Variants in PTPRD observed in about 807,000 individuals in gnomAD.
The protein encoded by PTPRD is receptor-type tyrosine-protein phosphatase delta.
Under a neutral mutation model 214.5 loss-of-function variants are expected in PTPRD, and 34 were observed. The observed-to-expected ratio is 0.16, with a 90% CI of 0.12 to 0.21. PTPRD has a LOEUF of 0.21. PTPRD is among the 10% of genes least tolerant of loss of function. The pLI is 1.00. For missense variants in PTPRD, 2,545 were observed against 2,398.7 expected (o/e 1.06, Z -1.27); for synonymous variants, 1,128 against 845.7 (o/e 1.33, Z -5.79).
chr9:8,854,096 A>T (rs1337692945), intron 11 of PTPRD, among the ~76,000 whole-genome samples: 1 of 152,130 alleles, frequency 6.6e-6, no homozygotes, highest in Non-Finnish European at 1.5e-5. Context: ...TTTCGTGACC[A>T]CTAAGTTGAG....
chr9:8,907,818 A>C (rs1230625956), intron 11 of PTPRD, among the ~76,000 whole-genome samples: 1 of 152,176 alleles, frequency 6.6e-6, no homozygotes, highest in East Asian at 1.9e-4. Context: ...CTGTGAGATA[A>C]AGCAAGTGTA....
At chr9:9,947,183 C>A (rs1325000919) in intron 4 of PTPRD, among the ~76,000 whole-genome samples, 1 of 145,746 alleles carries the variant, frequency 6.9e-6, no homozygotes, top group Non-Finnish European at 1.5e-5. Context: ...AGTAGTTCAG[C>A]TATACAGATA....
At chr9:10,362,858 C>T (rs1246758744) in intron 2 of PTPRD, among the ~76,000 whole-genome samples, 3 of 152,040 alleles carry the variant, frequency 2.0e-5, no homozygotes, top group Admixed American at 6.6e-5. Context: ...CCAGCTTGGG[C>T]GACAGAGTGA....
chr9:10,429,363 A>G (rs1412376946), intron 2 of PTPRD, among the ~76,000 whole-genome samples: 1 of 152,026 alleles, frequency 6.6e-6, no homozygotes, highest in East Asian at 1.9e-4. Flanking sequence ...AAATCAATAC[A>G]TCTAAAAGAA....
chr9:9,310,881 G>A lies in PTPRD; in HGVS notation c.-203+86568C>T, dbSNP rs751150766. On this transcript the variant is annotated intron_variant, in intron 9 of 45. Transcript: ENST00000381196. ...TGTGGTGAGCCAAGATCGCGCCATT[G>A]CACTCCAGCCTGGGCAACAAGAGCA... Among the ~76,000 whole-genome samples, 283 of 151,568 alleles carry A rather than the reference G, an allele frequency of 1.9e-3. 1 individual carries two copies. The highest frequency in any genetic ancestry group is 6.8e-3 in the Middle Eastern group (2 of 294).
At chr9:9,934,725 A>T (rs1285954272) in intron 5 of PTPRD, among the ~76,000 whole-genome samples, 1 of 151,816 alleles carries the variant, frequency 6.6e-6, no homozygotes, top group Non-Finnish European at 1.5e-5. Context: ...AACTCATTTT[A>T]TGAGGCCAGC....
At chr9:10,460,158 G>A (rs1212889620) in intron 2 of PTPRD, among the ~76,000 whole-genome samples, 1 of 151,666 alleles carries the variant, frequency 6.6e-6, no homozygotes, top group Non-Finnish European at 1.5e-5. Context: ...AAAAAGCTTA[G>A]GAATAAACTC....
At chr9:9,620,103 G>A (rs934852046) in intron 7 of PTPRD, among the ~76,000 whole-genome samples, 2 of 151,880 alleles carry the variant, frequency 1.3e-5, no homozygotes, top group East Asian at 3.9e-4. Flanking sequence ...TTTTCCAATT[G>A]CCTGGGATTC....
At chr9:9,864,641 C>G (rs1332691660) in intron 5 of PTPRD, among the ~76,000 whole-genome samples, 1 of 152,108 alleles carries the variant, frequency 6.6e-6, no homozygotes, top group Non-Finnish European at 1.5e-5. Flanking sequence ...GCCTTAGCAT[C>G]TTATGTAGCT....
intron 11 of PTPRD, among the ~76,000 whole-genome samples, chr9:8,820,572 C>G (rs2097032639): frequency 6.6e-6 from 1 of 152,074 alleles, no homozygotes; most frequent in Admixed American, 6.5e-5. Flanking sequence ...GTTAAGGATA[C>G]ATTTTTATGT....
chr9:10,553,353 T>A (rs2061768932), intron 2 of PTPRD, among the ~76,000 whole-genome samples: 1 of 152,142 alleles, frequency 6.6e-6, no homozygotes. Flanking sequence ...TTTATTTTTT[T>A]TTTTTTTACT....
intron 7 of PTPRD, among the ~76,000 whole-genome samples, chr9:9,584,912 C>T (rs1033309193): frequency 1.9e-4 from 29 of 151,650 alleles, no homozygotes; most frequent in African/African-American, 6.8e-4. Flanking sequence ...CATTTTTTTT[C>T]ACCCAAAAAA....
intron 2 of PTPRD, among the ~76,000 whole-genome samples, chr9:10,467,759 G>C (rs1016838298): frequency 3.3e-5 from 5 of 152,088 alleles, no homozygotes; most frequent in Non-Finnish European, 5.9e-5. Context: ...TAAAAGGATA[G>C]CTACATAGAA....
intron 8 of PTPRD, among the ~76,000 whole-genome samples, chr9:9,426,932 T>C (rs2081194103): frequency 6.6e-6 from 1 of 151,712 alleles, no homozygotes; most frequent in African/African-American, 2.4e-5. Flanking sequence ...AGACCAAAGG[T>C]AAATAAAACC....
rs2097006570 is a variant in PTPRD, at chr9:8,486,287, G to A, written c.2530C>T (p.His844Tyr). 1.2e-6 allele frequency: 2 copies of A among 1,614,188 alleles called. No homozygotes were observed. The highest frequency in any genetic ancestry group is 3.3e-5 in the Admixed American group (2 of 60,024). The change falls in exon 28 of 46, where the codon CAC becomes TAC. Residue 844 changes from histidine (H) to tyrosine (Y), a missense_variant. Physicochemically the swap from His to Tyr is moderately conservative, Grantham distance 83. Transcript: ENST00000381196. ...TQMNTALIQW[H>Y]PPVDTFGPLQ... ...GGTCCAAATGTGTCCACCGGAGGGT[G>A]CCACTGAATAAGAGCAGTATTCATC...
chr9:8,839,553 G>C (rs1352911878), intron 11 of PTPRD, among the ~76,000 whole-genome samples: 2 of 152,192 alleles, frequency 1.3e-5, no homozygotes, highest in East Asian at 3.9e-4. Context: ...TCGAATTCCT[G>C]ACCTCAAGTG....
At chr9:8,539,995 T>C (rs992856897) in intron 14 of PTPRD, among the ~76,000 whole-genome samples, 15 of 152,116 alleles carry the variant, frequency 9.9e-5, no homozygotes, top group Admixed American at 7.9e-4. Flanking sequence ...AGTCCCATTG[T>C]AGTTAGGTAG....
intron 11 of PTPRD, among the ~76,000 whole-genome samples, chr9:8,828,157 T>C (rs972973095): frequency 3.3e-5 from 5 of 152,190 alleles, no homozygotes; most frequent in African/African-American, 1.2e-4. Flanking sequence ...CATTTCTGTC[T>C]TCCAATGGCT....
At chr9:9,016,351 G>A (rs746003495) in intron 11 of PTPRD, among the ~76,000 whole-genome samples, 1 of 152,100 alleles carries the variant, frequency 6.6e-6, no homozygotes, top group Non-Finnish European at 1.5e-5. Context: ...CAAGTTCTGG[G>A]TTCCAATTCC....
Sources: gnomAD v4.1 joint callset for allele counts (sites outside exome capture counted in the v4.1 genomes callset) on GRCh38, gnomAD v4.1.1 for gene constraint, MANE v1.5 for transcripts, NCBI Gene and HGNC (gene_info 2026-07-23, HGNC 2026-07-21) for gene names.